Variants in CNTLN observed in about 807,000 individuals in gnomAD.
CNTLN encodes centlein, centrosomal protein.
CNTLN carries 212 observed loss-of-function variants against 180.0 expected under a neutral mutation model. That is an observed-to-expected ratio of 1.18 (90% confidence interval 1.05 to 1.32). The LOEUF (loss-of-function observed/expected upper bound fraction) is 1.32, where lower values mean the gene tolerates loss of function less well. Among genes scored for constraint, CNTLN ranks in the 40% most tolerant of loss-of-function variants. The pLI, the probability that CNTLN is intolerant of heterozygous loss-of-function variation, is 0.00. For missense variants in CNTLN, 2,095 were observed against 1,610.9 expected (o/e 1.30, Z -5.14); for synonymous variants, 722 against 563.1 (o/e 1.28, Z -3.99).
At chr9:17,284,905 T>C (rs1443749767) in intron 6 of CNTLN, among the ~76,000 whole-genome samples, 2 of 152,138 alleles carry the variant, frequency 1.3e-5, no homozygotes, top group African/African-American at 4.8e-5. Context: ...GTGCTATAAA[T>C]TTCCCTCTTA....
intron 18 of CNTLN, among the ~76,000 whole-genome samples, chr9:17,446,310 G>C (rs2134080007): frequency 6.6e-6 from 1 of 152,258 alleles, no homozygotes; most frequent in East Asian, 1.9e-4. Context: ...CAGGTGTGGA[G>C]GGGCAACCCA....
chr9:17,297,929 C>T (rs567942765), intron 6 of CNTLN, among the ~76,000 whole-genome samples: 1 of 152,158 alleles, frequency 6.6e-6, no homozygotes, highest in African/African-American at 2.4e-5. Context: ...CTATGTATAT[C>T]CATGGTTTTT....
chr9:17,304,088 A>C (rs1818546838), intron 7 of CNTLN, among the ~76,000 whole-genome samples: 1 of 152,146 alleles, frequency 6.6e-6, no homozygotes, highest in Admixed American at 6.5e-5. Context: ...TGAAAAGATG[A>C]AAACAGTTGT....
chr9:17,153,507 G>A lies in CNTLN; in HGVS notation c.449+10131G>A, dbSNP rs148955353. ...CCTTAACTCTCTTCTGGCTTGTAGG[G>A]TTTCTCCAGAGAGAGATCTGCTGTT... On this transcript the variant is annotated intron_variant, in intron 2 of 25. Coordinates refer to ENST00000380647, the MANE Select transcript of CNTLN (RefSeq NM_017738.4). Among the ~76,000 whole-genome samples the A allele has an allele frequency of 4.5e-3, 688 of 152,286 alleles. 4 individuals carry two copies. The highest frequency in any genetic ancestry group is 0.016 in the African/African-American group (659 of 41,552).
the CNTLN span, among the ~76,000 whole-genome samples, chr9:17,522,972 G>C: frequency 6.6e-6 from 1 of 151,882 alleles, no homozygotes; most frequent in Non-Finnish European, 1.5e-5. Context: ...CCAGCTTTTT[G>C]GGCTCCAAAA....
chr9:17,361,634 C>T (rs1169403829), intron 12 of CNTLN, among the ~76,000 whole-genome samples: 1 of 152,206 alleles, frequency 6.6e-6, no homozygotes, highest in East Asian at 1.9e-4. Flanking sequence ...ATATGCCTCA[C>T]AAATTCTGGC....
At chr9:17,260,886 G>A (rs571921330) in intron 5 of CNTLN, among the ~76,000 whole-genome samples, 19 of 151,368 alleles carry the variant, frequency 1.3e-4, no homozygotes, top group Admixed American at 4.6e-4. Context: ...TCAATCTTCC[G>A]CATTTGGCTA....
At chr9:17,313,913 C>G (rs1032554982) in intron 8 of CNTLN, among the ~76,000 whole-genome samples, 1 of 152,152 alleles carries the variant, frequency 6.6e-6, no homozygotes, top group South Asian at 2.1e-4. Flanking sequence ...TCACCTGCCT[C>G]AGCCTTCCAA....
At chr9:17,455,890 CCTT>C (rs201329624) in intron 18 of CNTLN, among the ~76,000 whole-genome samples, 2,590 of 151,822 alleles carry the variant, frequency 0.017, 78 homozygotes, top group African/African-American at 0.059. Flanking sequence ...TCTTAGAGAG[CCTT>C]ATTATCCACA....
intron 6 of CNTLN, among the ~76,000 whole-genome samples, chr9:17,295,527 C>T (rs1252249959): frequency 6.6e-6 from 1 of 152,048 alleles, no homozygotes; most frequent in Non-Finnish European, 1.5e-5. Context: ...CTAGTCAGTC[C>T]CAATGAGAGA....
intron 13 of CNTLN, among the ~76,000 whole-genome samples, chr9:17,384,878 G>T (rs955517988): frequency 1.8e-4 from 28 of 151,802 alleles, no homozygotes; most frequent in African/African-American, 6.5e-4. Context: ...ACTCCAATTG[G>T]GCAATTCAGT....
the CNTLN span, among the ~76,000 whole-genome samples, chr9:17,512,567 A>G: frequency 6.6e-6 from 1 of 152,230 alleles, no homozygotes; most frequent in Non-Finnish European, 1.5e-5. Context: ...TACTATGTTC[A>G]CTAGAAGAGC....
At chr9:17,298,706 T>C (rs576317888) in intron 7 of CNTLN, 1 of 996,282 alleles carries the variant, frequency 1.0e-6, no homozygotes, top group South Asian at 4.6e-5. Context: ...TTGTCAAGTA[T>C]GGCAGACTTT....
the CNTLN span, among the ~76,000 whole-genome samples, chr9:17,521,732 G>A: frequency 1.3e-5 from 2 of 152,116 alleles, no homozygotes; most frequent in African/African-American, 4.8e-5. Context: ...AGTGCTAACA[G>A]CATTGCAATT....
the CNTLN span, among the ~76,000 whole-genome samples, chr9:17,525,239 T>TA: frequency 6.8e-4 from 100 of 147,418 alleles, no homozygotes; most frequent in African/African-American, 1.9e-3. Flanking sequence ...ACTTAACTGA[T>TA]AAAAAAAAAA....
chr9:17,504,976 G>C (rs1172050206), downstream of CNTLN, among the ~76,000 whole-genome samples: 1 of 152,108 alleles, frequency 6.6e-6, no homozygotes, highest in African/African-American at 2.4e-5. Flanking sequence ...CCAGAAATCT[G>C]TTTAGAAGTT....
chr9:17,525,269 G>T, the CNTLN span, among the ~76,000 whole-genome samples: 8 of 152,004 alleles, frequency 5.3e-5, no homozygotes, highest in Non-Finnish European at 1.0e-4. Flanking sequence ...CATTTTTGAG[G>T]TACTGCAGGA....
downstream of CNTLN, among the ~76,000 whole-genome samples, chr9:17,508,736 T>C (rs1833977268): frequency 6.6e-6 from 1 of 152,250 alleles, no homozygotes; most frequent in South Asian, 2.1e-4. Flanking sequence ...TCATTGTATA[T>C]ATCAATAGCC....
At chr9:17,243,246 C>G (rs549238788) in intron 5 of CNTLN, among the ~76,000 whole-genome samples, 1 of 151,986 alleles carries the variant, frequency 6.6e-6, no homozygotes, top group Admixed American at 6.6e-5. Flanking sequence ...TAATGTTTTG[C>G]CCACTTAGTT....
Sources: allele counts gnomAD v4.1 joint callset (sites outside exome capture counted in the v4.1 genomes callset), GRCh38; gene constraint gnomAD v4.1.1; transcripts MANE v1.5; gene names NCBI Gene and HGNC (gene_info 2026-07-23, HGNC 2026-07-21).